PARP4: variants seen among roughly 807,000 people sequenced by gnomAD.
PARP4 encodes the protein protein mono-ADP-ribosyltransferase PARP4.
Under a neutral mutation model 187.7 loss-of-function variants are expected in PARP4, and 120 were observed. That is an observed-to-expected ratio of 0.64 (90% CI 0.55 to 0.74). The LOEUF is 0.74. Among genes scored for constraint, PARP4 ranks in the 30% least tolerant of loss-of-function variants. The probability of loss-of-function intolerance (pLI) is 0.00; values close to 1 mark genes in which losing one functional copy is unlikely to be tolerated. For synonymous variants in PARP4, 654 were observed against 740.9 expected (o/e 0.88, Z 1.90); for missense variants, 1,836 against 2,070.5 (o/e 0.89, Z 2.20).
At chr13:24,474,001 C>T (rs1461269396) in intron 15 of PARP4, among the ~76,000 whole-genome samples, 1 of 152,188 alleles carries the variant, frequency 6.6e-6, no homozygotes, top group Non-Finnish European at 1.5e-5. Flanking sequence ...TGACTCCCCA[C>T]TTATAAGTCC....
rs766357038 is a variant in PARP4 at position 24,493,600 on chromosome 13, T to C, written c.875A>G (p.Asn292Ser). The C allele has an allele frequency of 2.0e-5, 32 of 1,599,680 alleles. No individual in the cohort carries two copies. The highest frequency in any genetic ancestry group is 2.5e-5 in the Non-Finnish European group (30 of 1,176,566). Residue 292 changes from asparagine to serine, a missense_variant, in exon 8 of 34, where the codon AAC becomes AGC. Physicochemically the swap from Asn to Ser is conservative, Grantham distance 46. Around this residue, in one of 8 missense-constraint regions of PARP4, gnomAD observed 1,147 missense variants for 1,214.2 expected, o/e 0.94. Transcript: ENST00000381989. ...TTCAGCGACACACCAACTTACATCG[T>C]TGAGGCTAATCCTGTTCACTGGCTT... ...LLKPVNRISL[N>S]DVSKAEGILL...
At chr13:24,452,652 G>C (rs757031819) in intron 23 of PARP4, 59 bp from the exon 24 acceptor site, 2 of 1,386,352 alleles carry the variant, frequency 1.4e-6, no homozygotes, top group Non-Finnish European at 2.0e-6. Context: ...ACCATTTGCT[G>C]TCATCATTGA....
chr13:24,495,978 TAC>T (rs1868924251), intron 6 of PARP4, among the ~76,000 whole-genome samples: 2 of 152,136 alleles, frequency 1.3e-5, no homozygotes, highest in South Asian at 4.2e-4. Flanking sequence ...AGGGGTGCTC[TAC>T]ACAGACTCGG....
In PARP4 at chr13:24,460,676, G is replaced by C. The variant is rs139559401; in HGVS notation, c.2134-540C>G. Among the ~76,000 whole-genome samples the C allele has an allele frequency of 2.8e-3, 432 of 152,264 alleles. 3 individuals are homozygous for C. The highest frequency in any genetic ancestry group is 9.9e-3 in the African/African-American group (411 of 41,558). On this transcript the variant is annotated intron_variant, in intron 17 of 33. Transcript: ENST00000381989. ...ATTTTACCCTATGGTAATTTCTCAT[G>C]TTATTTTTATTTTTATTTATTCATT...
intron 6 of PARP4, among the ~76,000 whole-genome samples, chr13:24,496,095 G>A (rs1377547429): frequency 1.3e-5 from 2 of 151,818 alleles, no homozygotes; most frequent in East Asian, 3.9e-4. Flanking sequence ...CATCTCTACA[G>A]ACTCGGGCTT....
Position 24,470,005 on chromosome 13 carries a change from G to A in PARP4, c.1935C>T (p.Tyr645=). Residue 645 remains tyrosine (Y), a synonymous_variant, in exon 16 of 34, where the codon TAC becomes TAT. Coordinates refer to ENST00000381989, the MANE Select transcript of PARP4 (RefSeq NM_006437.4). ...TVAQVIVFQT[Y]TNKSHVPIEA... ...CAATGGGCACGTGACTTTTATTTGTGTATGTCTGAAAAACAATGACCTGAA... is the reference window on the plus strand; with the variant it reads ...CAATGGGCACGTGACTTTTATTTGTATATGTCTGAAAAACAATGACCTGAA... The A allele has an allele frequency of 6.2e-7, 1 of 1,613,308 alleles. No individual in the cohort carries two copies. Among genetic ancestry groups the A allele is most frequent in the Non-Finnish European group, 8.5e-7 (1 of 1,179,572 alleles).
At chr13:24,476,456 G>A in intron 14 of PARP4, among the ~76,000 whole-genome samples, 1 of 152,208 alleles carries the variant, frequency 6.6e-6, no homozygotes, top group African/African-American at 2.4e-5. Context: ...TATTTATGGT[G>A]CCACACAAGC....
Position 24,447,091 on chromosome 13 carries a change from C to T in PARP4, c.3210G>A (p.Gln1070=), listed in dbSNP as rs768913057. 1 of 1,612,808 alleles carries T rather than the reference C, an allele frequency of 6.2e-7. No homozygotes were observed. Among genetic ancestry groups the T allele is most frequent in the East Asian group, 2.2e-5 (1 of 44,796 alleles). The change falls in exon 26 of 34, where the codon CAG becomes CAA. Residue 1070 remains glutamine (Q), a synonymous_variant. Coordinates refer to ENST00000381989, the MANE Select transcript of PARP4 (RefSeq NM_006437.4). ...QLNPDVPEAL[Q]APAQVPSLFL... ...ACAAGGACGGCACCTGGGCTGGGGC[C>T]TGCAGGGCCTCGGGCACATCTGGAT...
intron 8 of PARP4, 64 bp from the exon 9 acceptor site, chr13:24,492,658 C>T (rs1197552098): frequency 6.9e-6 from 9 of 1,296,092 alleles, no homozygotes; most frequent in African/African-American, 4.4e-5. Context: ...GGAGCATGCA[C>T]AAAACTATAT....
At chr13:24,486,350 C>CA (rs770957990) in intron 10 of PARP4, 45 bp from the exon 11 acceptor site, 25 of 1,344,206 alleles carry the variant, frequency 1.9e-5, no homozygotes, top group Non-Finnish European at 2.6e-5. Context: ...TAATTGGAAA[C>CA]AAAACAAAAA....
intron 31 of PARP4, among the ~76,000 whole-genome samples, chr13:24,432,985 C>A (rs1038939725): frequency 6.6e-6 from 1 of 152,080 alleles, no homozygotes; most frequent in East Asian, 1.9e-4. Context: ...TGTACCAACC[C>A]ATAGAGAAGT....
At chr13:24,445,164 C>T (rs1396686440) in intron 27 of PARP4, among the ~76,000 whole-genome samples, 7 of 152,074 alleles carry the variant, frequency 4.6e-5, no homozygotes, top group African/African-American at 1.7e-4. Context: ...GCACACGTAA[C>T]GACATCTGCA....
At chr13:24,468,572 T>G (rs1485687266) in intron 17 of PARP4, among the ~76,000 whole-genome samples, 1 of 152,080 alleles carries the variant, frequency 6.6e-6, no homozygotes, top group Non-Finnish European at 1.5e-5. Flanking sequence ...GCCCAGCTAA[T>G]TTTTGTACTT....
intron 11 of PARP4, among the ~76,000 whole-genome samples, chr13:24,485,444 C>A (rs554325982): frequency 6.6e-6 from 1 of 152,174 alleles, no homozygotes; most frequent in Non-Finnish European, 1.5e-5. Flanking sequence ...TGGCATCCTT[C>A]TGATTCATGC....
At chr13:24,509,778 C>A (rs982461880) in intron 1 of PARP4, among the ~76,000 whole-genome samples, 7 of 152,020 alleles carry the variant, frequency 4.6e-5, no homozygotes, top group Admixed American at 1.3e-4. Flanking sequence ...CAGCTCACTG[C>A]AACCTTCTGC....
intron 31 of PARP4, among the ~76,000 whole-genome samples, 194 bp from the exon 32 acceptor site, chr13:24,431,670 T>G (rs1870343936): frequency 2.0e-5 from 3 of 152,212 alleles, no homozygotes; most frequent in Admixed American, 2.0e-4. Context: ...TACCTCTGCA[T>G]CTAAAATAAA....
intron 32 of PARP4, among the ~76,000 whole-genome samples, chr13:24,430,137 C>G (rs555472803): frequency 6.6e-6 from 1 of 152,254 alleles, no homozygotes; most frequent in Admixed American, 6.5e-5. Context: ...CAGATAGAGG[C>G]TCTTCTATTA....
chr13:24,511,275 C>T (rs111696632), intron 1 of PARP4, among the ~76,000 whole-genome samples: 1,737 of 152,192 alleles, frequency 0.011, 37 homozygotes, highest in African/African-American at 0.039. Context: ...AGCGCCTAAC[C>T]GACATGCGCC....
chr13:24,498,453 A>G (rs192174959), intron 5 of PARP4, among the ~76,000 whole-genome samples: 115 of 152,322 alleles, frequency 7.5e-4, no homozygotes, highest in African/African-American at 2.6e-3. Flanking sequence ...TTACCATCCC[A>G]TAAATAGATC....
Sources: gnomAD v4.1 joint callset for allele counts (sites outside exome capture counted in the v4.1 genomes callset) on GRCh38, gnomAD v4.1.1 for gene constraint, gnomAD v4.1.1 regional missense constraint, MANE v1.5 for transcripts, NCBI Gene and HGNC (gene_info 2026-07-23, HGNC 2026-07-21) for gene names.